Variants in AXDND1 observed in about 807,000 individuals in gnomAD.
AXDND1 encodes the protein axonemal dynein light chain domain containing 1, also known as axonemal dynein light chain domain-containing protein 1.
In AXDND1, 110 loss-of-function variants were observed where a neutral mutation model predicts 137.5. That is an observed-to-expected ratio of 0.80 (90% CI 0.69 to 0.94). AXDND1 has a LOEUF of 0.94. Ranked by LOEUF, AXDND1 falls within the 40% of genes least tolerant of loss-of-function variation. The pLI is 0.00. For missense variants in AXDND1, 1,191 were observed against 1,169.8 expected, an observed-to-expected ratio of 1.02 and a Z score of -0.26; for synonymous variants, 414 against 399.7, an observed-to-expected ratio of 1.04 and a Z score of -0.43.
intron 4 of AXDND1, among the ~76,000 whole-genome samples, chr1:179,376,776 CTG>C (rs1394000299): frequency 6.6e-6 from 1 of 152,136 alleles, no homozygotes; most frequent in Non-Finnish European, 1.5e-5. Context: ...ATGGTAGGGA[CTG>C]TGTCTATTTT....
chr1:179,477,986 T>TA (rs1664842010), intron 17 of AXDND1, among the ~76,000 whole-genome samples: 1 of 152,098 alleles, frequency 6.6e-6, no homozygotes, highest in South Asian at 2.1e-4. Context: ...AGACAAATCT[T>TA]ACAGCTTCAT....
At chr1:179,422,416 A>G (rs1035117727) in intron 12 of AXDND1, among the ~76,000 whole-genome samples, 3 of 152,078 alleles carry the variant, frequency 2.0e-5, no homozygotes, top group Admixed American at 6.6e-5. Context: ...AATGTTATTT[A>G]ATTTCTGTGT....
At chr1:179,502,340 G>A (rs766334256) in intron 20 of AXDND1, among the ~76,000 whole-genome samples, 9 of 152,170 alleles carry the variant, frequency 5.9e-5, no homozygotes, top group Non-Finnish European at 1.3e-4. Flanking sequence ...CGAGGTGGGC[G>A]GATCACCTGT....
intron 20 of AXDND1, chr1:179,506,753 C>A: frequency 1.8e-6 from 1 of 552,384 alleles, no homozygotes; most frequent in Non-Finnish European, 2.3e-6. Context: ...AAAACTTCCT[C>A]TATGCCATTT....
chr1:179,466,282 C>T (rs115304762), intron 16 of AXDND1, among the ~76,000 whole-genome samples: 4,639 of 95,670 alleles, frequency 0.048, 208 homozygotes, highest in Non-Finnish European at 0.073. Context: ...TCTTCTTCTT[C>T]TTCTTTTTTT....
chr1:179,463,566 G>C (rs953979396), intron 16 of AXDND1, among the ~76,000 whole-genome samples: 1 of 152,214 alleles, frequency 6.6e-6, no homozygotes, highest in Non-Finnish European at 1.5e-5. Context: ...GAATAAGTGC[G>C]ATGTGATGCT....
chr1:179,476,751 G>A (rs968369972), intron 17 of AXDND1, among the ~76,000 whole-genome samples: 1 of 152,092 alleles, frequency 6.6e-6, no homozygotes, highest in Non-Finnish European at 1.5e-5. Flanking sequence ...TGTAAGTGAT[G>A]TGTTGTTTTT....
intron 21 of AXDND1, among the ~76,000 whole-genome samples, chr1:179,511,327 T>TTA (rs1249572221): frequency 3.0e-5 from 4 of 133,278 alleles, no homozygotes; most frequent in African/African-American, 5.1e-5. Context: ...TAATATGATT[T>TTA]TATATATATA....
At chr1:179,476,979 A>G (rs1259128118) in intron 17 of AXDND1, among the ~76,000 whole-genome samples, 2 of 152,116 alleles carry the variant, frequency 1.3e-5, no homozygotes, top group East Asian at 1.9e-4. Flanking sequence ...CTCCCTTTAT[A>G]TGTAAGGGTG....
At chr1:179,401,604 T>C (rs1052898082) in intron 11 of AXDND1, among the ~76,000 whole-genome samples, 1 of 152,162 alleles carries the variant, frequency 6.6e-6, no homozygotes, top group African/African-American at 2.4e-5. Flanking sequence ...CACCCAAATA[T>C]TGTCTTAAAT....
At chr1:179,388,443 T>C (rs888080952) in intron 9 of AXDND1, among the ~76,000 whole-genome samples, 3 of 152,216 alleles carry the variant, frequency 2.0e-5, no homozygotes, top group Non-Finnish European at 4.4e-5. Context: ...TTCTGTCTTC[T>C]TTGTCTCTTA....
intron 25 of AXDND1, among the ~76,000 whole-genome samples, chr1:179,538,889 A>G (rs983493806): frequency 7.2e-6 from 1 of 138,634 alleles, no homozygotes; most frequent in African/African-American, 2.5e-5. Flanking sequence ...TATTGGGTGC[A>G]TATATATTTA....
chr1:179,478,956 T>G (rs1393455486), intron 17 of AXDND1, among the ~76,000 whole-genome samples: 4 of 151,728 alleles, frequency 2.6e-5, no homozygotes, highest in Non-Finnish European at 4.4e-5. Flanking sequence ...CAAAATTAGC[T>G]GGGTGTGGTG....
intron 16 of AXDND1, among the ~76,000 whole-genome samples, chr1:179,446,758 A>C (rs1384083563): frequency 2.0e-5 from 3 of 151,114 alleles, no homozygotes; most frequent in Non-Finnish European, 4.4e-5. Context: ...GTCCCTTTTC[A>C]GATATGTGAA....
intron 6 of AXDND1, among the ~76,000 whole-genome samples, 166 bp downstream of exon 6, chr1:179,379,648 T>C (rs895125645): frequency 2.0e-5 from 3 of 151,900 alleles, no homozygotes; most frequent in African/African-American, 7.3e-5. Flanking sequence ...ACAAAAATAT[T>C]AGCTGGGTGT....
intron 16 of AXDND1, among the ~76,000 whole-genome samples, chr1:179,467,664 T>C (rs1663389333): frequency 6.6e-6 from 1 of 151,916 alleles, no homozygotes; most frequent in African/African-American, 2.4e-5. Context: ...CAGAGAAAAA[T>C]GAGGTAGCAA....
chr1:179,533,615 A>G (rs1036132760), intron 23 of AXDND1, among the ~76,000 whole-genome samples, 180 bp from the exon 24 acceptor site: 2 of 140,706 alleles, frequency 1.4e-5, no homozygotes, highest in Non-Finnish European at 3.0e-5. Flanking sequence ...CTATTTGACC[A>G]GAGACAATCC....
In AXDND1 at chr1:179,372,567, CAA is replaced by C. The variant is rs575043772; in HGVS notation, c.374+2491_374+2492del. On this transcript the variant is annotated intron_variant, in intron 4 of 25. Coordinates refer to ENST00000367618, the MANE Select transcript of AXDND1 (RefSeq NM_144696.6). Reference sequence around the variant, plus strand: ...CAGTTATTATGTTATGATTAAGAATCAAAGTTGTTTTGTTTTGTTTTTTGTTT... The same window carrying C: ...CAGTTATTATGTTATGATTAAGAATCAGTTGTTTTGTTTTGTTTTTTGTTT... 3.6e-3 allele frequency among the ~76,000 whole-genome samples: 541 copies of C among 149,242 alleles called. 3 individuals are homozygous for C. The highest frequency in any genetic ancestry group is 0.013 in the African/African-American group (514 of 40,748).
At position 179,369,994 on chromosome 1, in the gene AXDND1, T is replaced by TAGAC; in HGVS notation, c.291_294dup (p.His99ArgfsTer12). 1 of 1,614,006 alleles carries TAGAC rather than the reference T, an allele frequency of 6.2e-7. No homozygotes were observed. The highest frequency in any genetic ancestry group is 8.5e-7 in the Non-Finnish European group (1 of 1,179,936). On this transcript the variant is annotated frameshift_variant, in exon 4 of 26. Transcript: ENST00000367618. LOFTEE classifies it high-confidence loss of function. ...TCCCAGGGCACTCTTCCACGCCTTG[T>TAGAC]AGACCATGTCTGGCATCACCCTGTT... is the stretch of plus-strand genomic sequence containing the variant.
Sources: gnomAD v4.1 joint callset for allele counts (sites outside exome capture counted in the v4.1 genomes callset) on GRCh38, gnomAD v4.1.1 for gene constraint, MANE v1.5 for transcripts, NCBI Gene and HGNC (gene_info 2026-07-23, HGNC 2026-07-21) for gene names.